SBNO2: variants seen among roughly 807,000 people sequenced by gnomAD.
SBNO2 encodes protein strawberry notch homolog 2.
A neutral mutation model predicts 146.3 loss-of-function variants in SBNO2; 89 were observed. The ratio of observed to expected loss-of-function variants is 0.61; its 90% CI spans 0.51 to 0.73. The LOEUF is 0.73. Among genes scored for constraint, SBNO2 ranks in the 30% least tolerant of loss-of-function variants. The pLI is 0.00. For missense variants in SBNO2, 2,092 were observed against 2,003.7 expected (o/e 1.04, Z -0.84); for synonymous variants, 1,147 against 892.6 (o/e 1.29, Z -5.08).
chr19:1,170,286 T>G (rs2080465055), intron 1 of SBNO2, among the ~76,000 whole-genome samples: 1 of 152,184 alleles, frequency 6.6e-6, no homozygotes, highest in African/African-American at 2.4e-5. Context: ...CTGGGCCCTG[T>G]GACGGGTGAC....
intron 5 of SBNO2, among the ~76,000 whole-genome samples, chr19:1,124,306 G>A (rs1293882596): frequency 3.9e-5 from 6 of 152,226 alleles, no homozygotes; most frequent in Non-Finnish European, 7.3e-5. Context: ...GGAGTGCCCG[G>A]GAGGAAGGTG....
At position 1,122,871 on chromosome 19, in the gene SBNO2, CTGGGT is replaced by C. The variant is rs769552600; in HGVS notation, c.780+18_780+22del. 7 of 1,540,416 alleles carry C rather than the reference CTGGGT, an allele frequency of 4.5e-6. No individual in the cohort carries two copies. The highest frequency in any genetic ancestry group is 6.1e-6 in the Non-Finnish European group (7 of 1,143,792). Reference sequence around the variant, plus strand: ...AGGGGCCTCGCGGACACAGGCTGGGCTGGGTTGGGGACATGCGGTCACCTGGCAGG... The same window carrying C: ...AGGGGCCTCGCGGACACAGGCTGGGCTGGGGACATGCGGTCACCTGGCAGG... On this transcript the variant is annotated intron_variant, in intron 8 of 31. Transcript: ENST00000361757.
chr19:1,172,778 G>GCCCCCCCCCCCACCCC (rs201804891), intron 1 of SBNO2, among the ~76,000 whole-genome samples: 1 of 36,302 alleles, frequency 2.8e-5, no homozygotes, highest in Non-Finnish European at 4.5e-5. Flanking sequence ...CACTGCAACC[G>GCCCCCCCCCCCACCCC]CCCCCCCCGC....
intron 16 of SBNO2, among the ~76,000 whole-genome samples, chr19:1,116,476 T>C (rs937589168): frequency 6.6e-6 from 1 of 151,912 alleles, no homozygotes; most frequent in African/African-American, 2.4e-5. Context: ...CCCGGGGCAT[T>C]CTCAACCAAC....
chr19:1,129,898 T>A (rs1278887527), intron 4 of SBNO2, among the ~76,000 whole-genome samples: 1 of 152,150 alleles, frequency 6.6e-6, no homozygotes, highest in Non-Finnish European at 1.5e-5. Flanking sequence ...CAGAGACACC[T>A]GCCCCACGCC....
At chr19:1,174,034 G>GCTCGCCCCCGCCCCA (rs2080507274) in intron 1 of SBNO2, 138 bp downstream of exon 1, 1 of 150,952 alleles carries the variant, frequency 6.6e-6, no homozygotes, top group Non-Finnish European at 1.5e-5. Flanking sequence ...GTCCCGCCGC[G>GCTCGCCCCCGCCCCA]CTCGCCCCCG....
rs984225821 is a variant in SBNO2 at position 1,112,528 on chromosome 19, T to C, written c.2389A>G (p.Ile797Val). 5.6e-6 allele frequency: 9 copies of C among 1,601,014 alleles called. No homozygotes were observed. Among genetic ancestry groups the C allele is most frequent in the African/African-American group, 5.4e-5 (4 of 74,590 alleles). The change falls in exon 21 of 32, where the codon ATC becomes GTC. Residue 797 changes from isoleucine (I) to valine (V), a missense_variant. Ile to Val is a conservative substitution (Grantham distance 29). Transcript: ENST00000361757. This position sits in a 1 kb window ranked among gnomAD's most constrained non-coding sequence, Gnocchi z 5.9. ...RFMSGEKLVA[I>V]ISEASSSGVS... ...CCCGAGCTGGAGGCCTCCGAGATGA[T>C]GGCCACGAGCTAGGGGGAAAGAAGG...
rs1265542128 is a variant in SBNO2 at position 1,110,167 on chromosome 19, G to C, written c.3029-390C>G. Among the ~76,000 whole-genome samples the C allele has an allele frequency of 2.6e-5, 4 of 152,062 alleles. No homozygotes were observed. The highest frequency in any genetic ancestry group is 4.4e-5 in the Non-Finnish European group (3 of 67,978). On this transcript the variant is annotated intron_variant, in intron 26 of 31. Transcript: ENST00000361757. The surrounding 1 kb of genome is among the most constrained non-coding windows in gnomAD (Gnocchi z 4.9). ...TGCTGGGTGACCCCAAGCAGGCTGTGGGGGATCGTGGGAGCCTGGTTGGCT... is the reference window on the plus strand; with the variant it reads ...TGCTGGGTGACCCCAAGCAGGCTGTCGGGGATCGTGGGAGCCTGGTTGGCT...
At chr19:1,113,331 G>A (rs1237345133) in intron 19 of SBNO2, among the ~76,000 whole-genome samples, 1 of 152,138 alleles carries the variant, frequency 6.6e-6, no homozygotes, top group Non-Finnish European at 1.5e-5. Flanking sequence ...GGATGGGGCA[G>A]GCCGTCCACA....
rs1215165801 is a variant in SBNO2, at chr19:1,140,946, T to C, written c.279+6363A>G. Among the ~76,000 whole-genome samples the C allele has an allele frequency of 6.6e-6, 1 of 151,860 alleles. No homozygotes were observed. Among genetic ancestry groups the C allele is most frequent in the African/African-American group, 2.4e-5 (1 of 41,288 alleles). ...TGGTGCCGTCTGAGGGATTCCTCCA[T>C]CCAGTCAGGAGACAACCCCAGACAA... On this transcript the variant is annotated intron_variant, in intron 4 of 31. Coordinates refer to ENST00000361757, the MANE Select transcript of SBNO2 (RefSeq NM_014963.3). The surrounding 1 kb of genome is among the most constrained non-coding windows in gnomAD (Gnocchi z 4.4).
Position 1,111,976 on chromosome 19 carries a change from C to T in SBNO2, c.2700+20G>A, listed in dbSNP as rs1205975940. The T allele has an allele frequency of 3.2e-6, 5 of 1,573,692 alleles. No individual in the cohort carries two copies. The South Asian group carries it at 5.5e-5, about 17-fold the overall frequency. ...CCCCTGCCCCTGCCCCGCCCCCCAACCCTGCCTTCCCTGCAGTACCTTGTT... is the reference window on the plus strand; with the variant it reads ...CCCCTGCCCCTGCCCCGCCCCCCAATCCTGCCTTCCCTGCAGTACCTTGTT... On this transcript the variant is annotated intron_variant, in intron 23 of 31. Transcript: ENST00000361757.
intron 14 of SBNO2, among the ~76,000 whole-genome samples, 199 bp from the exon 15 acceptor site, chr19:1,117,698 C>G (rs747009254): frequency 5.3e-5 from 8 of 152,252 alleles, no homozygotes; most frequent in Non-Finnish European, 8.8e-5. Context: ...CCAAAACACT[C>G]GTGGTGGGGA....
rs1047562453 is a variant in SBNO2, at chr19:1,112,348, C to T, written c.2516-47G>A. On this transcript the variant is annotated intron_variant, in intron 21 of 31. Coordinates refer to ENST00000361757, the MANE Select transcript of SBNO2 (RefSeq NM_014963.3). This position sits in a 1 kb window ranked among gnomAD's most constrained non-coding sequence, Gnocchi z 5.9. Reference sequence around the variant, plus strand: ...GGGCCCGGCCAGGCGGGGGCGGGGCCGAGACCATGTTGGGGGCGGGGCCAG... The same window carrying T: ...GGGCCCGGCCAGGCGGGGGCGGGGCTGAGACCATGTTGGGGGCGGGGCCAG... 8.9e-6 allele frequency: 14 copies of T among 1,566,572 alleles called. No individual in the cohort carries two copies. The highest frequency in any genetic ancestry group is 1.3e-5 in the African/African-American group (1 of 74,076).
Position 1,150,129 on chromosome 19 carries a change from TCCAGGCCAGGCTTACCCAACAC to T in SBNO2, c.94-709_94-688del. The stretch of plus-strand genomic sequence containing the variant: ...TGGCCGAATCTCTGGTGGGTCTGAC[TCCAGGCCAGGCTTACCCAACAC>T]CCTCGCCAGGAGCCGATGTCCCCAC... On this transcript the variant is annotated intron_variant, in intron 2 of 31. Coordinates refer to ENST00000361757, the MANE Select transcript of SBNO2 (RefSeq NM_014963.3). The surrounding 1 kb of genome is among the most constrained non-coding windows in gnomAD (Gnocchi z 6.2). Among the ~76,000 whole-genome samples the T allele has an allele frequency of 6.6e-6, 1 of 152,178 alleles. No individual in the cohort carries two copies. Among genetic ancestry groups the T allele is most frequent in the East Asian group, 1.9e-4 (1 of 5,184 alleles).
rs1038736914 is a variant in SBNO2 at position 1,109,181 on chromosome 19, C to T, written c.3379G>A (p.Glu1127Lys). Residue 1127 changes from glutamate to lysine, a missense_variant, in exon 30 of 32, where the codon GAG (glutamate) becomes AAG (lysine). Physicochemically the swap from Glu to Lys is moderately conservative, Grantham distance 56. Transcript: ENST00000361757. This position sits in a 1 kb window ranked among gnomAD's most constrained non-coding sequence, Gnocchi z 4.2. ...VTAEEAKEPW[E>K]SGYALSLTHC... Reference sequence around the variant, plus strand: ...GTCAGCGACAAAGCGTAGCCACTCTCCCAGGGCTCCTTGGCCTCCTCCGCG... The same window carrying T: ...GTCAGCGACAAAGCGTAGCCACTCTTCCAGGGCTCCTTGGCCTCCTCCGCG... 66 of 1,561,616 alleles carry T rather than the reference C, an allele frequency of 4.2e-5. No homozygotes were observed. Among genetic ancestry groups the T allele is most frequent in the Middle Eastern group, 1.7e-4 (1 of 5,998 alleles).
intron 1 of SBNO2, among the ~76,000 whole-genome samples, chr19:1,165,051 T>C (rs1190304655): frequency 1.3e-5 from 2 of 151,894 alleles, no homozygotes; most frequent in African/African-American, 4.8e-5. Flanking sequence ...AAGACTCCAC[T>C]GCCCTGAAGC....
In SBNO2 at chr19:1,114,359, C is replaced by A. The variant is rs368375543; in HGVS notation, c.1949G>T (p.Arg650Leu). The change falls in exon 18 of 32, where the codon CGC (arginine) becomes CTC (leucine). Residue 650 changes from arginine to leucine, a missense_variant. Coordinates refer to ENST00000361757, the MANE Select transcript of SBNO2 (RefSeq NM_014963.3). Reference protein sequence around the residue: ...RLACETAGVIRISDDSSTESD... With the variant: ...RLACETAGVILISDDSSTESD... Reference sequence around the variant, plus strand: ...CTCCGTGCTGCTGTCGTCACTGATGCGGATGACGCCCGCTGTCTCGCACGC... The same window carrying A: ...CTCCGTGCTGCTGTCGTCACTGATGAGGATGACGCCCGCTGTCTCGCACGC... The A allele has an allele frequency of 6.4e-7, 1 of 1,556,358 alleles. No homozygotes were observed. The highest frequency in any genetic ancestry group is 8.7e-7 in the Non-Finnish European group (1 of 1,150,336).
At chr19:1,133,755 C>T (rs187913451) in intron 4 of SBNO2, among the ~76,000 whole-genome samples, 3 of 151,820 alleles carry the variant, frequency 2.0e-5, no homozygotes, top group East Asian at 1.9e-4. Context: ...CACCGCTCAA[C>T]CCAGTAGCCA....
chr19:1,116,822 C>G lies in SBNO2; in HGVS notation c.1802+7G>C, dbSNP rs2079837420. 6.3e-6 allele frequency: 10 copies of G among 1,582,428 alleles called. No homozygotes were observed. In the East Asian group the frequency reaches 2.3e-4, roughly 37 times the overall value. ...GCCCACAGTCCTGTCCCCACCGTGA[C>G]ACTTACTCAGCGGCCGAGACGAAGC... On this transcript the variant is annotated splice_region_variant and intron_variant, in intron 16 of 31. Transcript: ENST00000361757.
Sources: gnomAD v4.1 joint callset for allele counts (sites outside exome capture counted in the v4.1 genomes callset) on GRCh38, gnomAD v4.1.1 for gene constraint, Gnocchi (gnomAD v3.1) non-coding constraint, MANE v1.5 for transcripts, NCBI Gene and HGNC (gene_info 2026-07-23, HGNC 2026-07-21) for gene names.